The following PACRG variants were observed in gnomAD, a reference collection of about 807,000 sequenced individuals.
PACRG encodes the protein parkin coregulated gene protein.
In PACRG, 29 loss-of-function variants were observed where a neutral mutation model predicts 29.7. The observed-to-expected ratio is 0.98, with a 90% CI of 0.73 to 1.33. PACRG has a LOEUF of 1.33. PACRG is among the 40% of genes most tolerant of loss of function. The probability of loss-of-function intolerance (pLI) is 0.00; values close to 1 mark genes in which losing one functional copy is unlikely to be tolerated. For missense variants in PACRG, 279 were observed against 316.2 expected (o/e 0.88, Z 0.89); for synonymous variants, 116 against 118.7 (o/e 0.98, Z 0.15).
intron 2 of PACRG, among the ~76,000 whole-genome samples, chr6:162,944,638 C>A (rs1798870412): frequency 6.6e-6 from 1 of 151,966 alleles, no homozygotes; most frequent in Admixed American, 6.6e-5. Flanking sequence ...TAAAAAGCAT[C>A]AAACAGAAAT....
chr6:163,270,746 T>G (rs1166054987), intron 4 of PACRG, among the ~76,000 whole-genome samples: 1 of 152,012 alleles, frequency 6.6e-6, no homozygotes. Context: ...AAGGAAAAGA[T>G]AGATTTGATT....
intron 1 of PACRG, among the ~76,000 whole-genome samples, chr6:162,741,321 G>C (rs955619447): frequency 2.0e-5 from 3 of 152,166 alleles, no homozygotes; most frequent in Non-Finnish European, 4.4e-5. Context: ...GGCTGGGTCT[G>C]TCATAACACA....
chr6:162,961,353 C>A (rs1477740369), intron 2 of PACRG, among the ~76,000 whole-genome samples: 1 of 152,222 alleles, frequency 6.6e-6, no homozygotes, highest in Non-Finnish European at 1.5e-5. Context: ...AGCCTCACTC[C>A]AAGGGTGTCA....
At chr6:162,760,121 G>A (rs1339761394) in intron 1 of PACRG, among the ~76,000 whole-genome samples, 4 of 152,142 alleles carry the variant, frequency 2.6e-5, no homozygotes, top group African/African-American at 9.7e-5. Context: ...GTCAGTCGTC[G>A]GCTACTGATC....
chr6:163,259,444 A>G (rs1585378282), intron 4 of PACRG, among the ~76,000 whole-genome samples: 1 of 152,072 alleles, frequency 6.6e-6, no homozygotes, highest in Admixed American at 6.6e-5. Flanking sequence ...CACTTGTGTC[A>G]CCTGCTGACC....
At chr6:162,879,719 A>G (rs111869694) in intron 2 of PACRG, among the ~76,000 whole-genome samples, 1,696 of 152,312 alleles carry the variant, frequency 0.011, 32 homozygotes, top group African/African-American at 0.038. Context: ...CAGATAGGAC[A>G]GTGAGTAAGA....
At chr6:162,749,415 C>T (rs760865440) in intron 1 of PACRG, among the ~76,000 whole-genome samples, 19 of 152,122 alleles carry the variant, frequency 1.2e-4, no homozygotes, top group African/African-American at 3.1e-4. Flanking sequence ...CTGAGACATA[C>T]GAAAGATCTT....
At chr6:163,131,275 TC>T (rs1585250679) in intron 4 of PACRG, among the ~76,000 whole-genome samples, 2 of 178 alleles carry the variant, frequency 0.011, no homozygotes, top group East Asian at 0.17. Flanking sequence ...GCCACTGCAC[TC>T]ACTCCAGCCT....
chr6:163,074,123 G>A lies in PACRG; in HGVS notation c.463+11802G>A, dbSNP rs117460394. Among the ~76,000 whole-genome samples the A allele has an allele frequency of 2.5e-3, 386 of 152,184 alleles. 2 individuals are homozygous for A. Among genetic ancestry groups the A allele is most frequent in the Middle Eastern group, 0.017 (5 of 294 alleles). On this transcript the variant is annotated intron_variant, in intron 3 of 4. Transcript: ENST00000366888. ...ATATCAAAGAAATATCTGCATTCGC[G>A]TATTTATTGCAGCACTATTCACAAT...
chr6:163,218,185 A>C (rs1159347059), intron 4 of PACRG, among the ~76,000 whole-genome samples: 1 of 152,166 alleles, frequency 6.6e-6, no homozygotes, highest in Non-Finnish European at 1.5e-5. Flanking sequence ...CTTCCCACTG[A>C]AAACTTTTAT....
At chr6:163,263,195 C>T (rs547572903) in intron 4 of PACRG, among the ~76,000 whole-genome samples, 13 of 150,696 alleles carry the variant, frequency 8.6e-5, no homozygotes, top group South Asian at 8.5e-4. Context: ...CCGTTACTTG[C>T]GTCGTCATGC....
At chr6:162,961,832 C>T (rs1268357454) in intron 2 of PACRG, among the ~76,000 whole-genome samples, 1 of 152,148 alleles carries the variant, frequency 6.6e-6, no homozygotes, top group African/African-American at 2.4e-5. Context: ...GGCATGTATT[C>T]CCATATGTAA....
intron 2 of PACRG, among the ~76,000 whole-genome samples, chr6:162,948,351 G>T (rs1584840126): frequency 6.6e-6 from 1 of 152,060 alleles, no homozygotes; most frequent in East Asian, 1.9e-4. Context: ...TCAGAAGAAC[G>T]AAACTAGACC....
At position 162,934,418 on chromosome 6, in the gene PACRG, G is replaced by A. The variant is rs1197308676; in HGVS notation, c.291+120137G>A. Among the ~76,000 whole-genome samples the A allele has an allele frequency of 2.0e-5, 3 of 152,138 alleles. No individual in the cohort carries two copies. In the East Asian group the frequency reaches 5.8e-4, roughly 29 times the overall value. On this transcript the variant is annotated intron_variant, in intron 2 of 4. Transcript: ENST00000366888. The stretch of plus-strand genomic sequence containing the variant: ...AATTGGGGATCAAATTTATACTTGA[G>A]GTTCAGGGTGACAAATATCCAAACT...
chr6:163,052,500 C>T (rs1252021379), intron 2 of PACRG, among the ~76,000 whole-genome samples: 2 of 152,076 alleles, frequency 1.3e-5, no homozygotes, highest in Non-Finnish European at 2.9e-5. Flanking sequence ...AATCTCATCT[C>T]GAATTGTAAA....
intron 2 of PACRG, among the ~76,000 whole-genome samples, chr6:162,995,497 C>T (rs370331872): frequency 3.9e-5 from 6 of 152,266 alleles, no homozygotes; most frequent in Middle Eastern, 3.4e-3. Flanking sequence ...GGGAGTGACC[C>T]GATTTTCCAG....
chr6:162,863,072 G>A (rs774129390), intron 2 of PACRG, among the ~76,000 whole-genome samples: 1 of 152,192 alleles, frequency 6.6e-6, no homozygotes, highest in African/African-American at 2.4e-5. Context: ...AGTATAGAGT[G>A]GAAAAAGCCT....
intron 4 of PACRG, among the ~76,000 whole-genome samples, chr6:163,250,436 A>G (rs1371851173): frequency 6.6e-6 from 1 of 152,230 alleles, no homozygotes; most frequent in Non-Finnish European, 1.5e-5. Context: ...ATTAGGAGAA[A>G]GCATTGCATT....
At chr6:163,149,545 G>C (rs1288563560) in intron 4 of PACRG, among the ~76,000 whole-genome samples, 4 of 151,966 alleles carry the variant, frequency 2.6e-5, no homozygotes, top group African/African-American at 7.2e-5. Context: ...TAAAGCAACC[G>C]CGTCTCCAGA....
Sources: gnomAD v4.1 joint callset for allele counts (sites outside exome capture counted in the v4.1 genomes callset) on GRCh38, gnomAD v4.1.1 for gene constraint, MANE v1.5 for transcripts, NCBI Gene and HGNC (gene_info 2026-07-23, HGNC 2026-07-21) for gene names.